Variants in ANTXR2 observed in about 807,000 individuals in gnomAD.
ANTXR2 encodes anthrax toxin receptor 2.
ANTXR2 carries 44 observed loss-of-function variants against 73.7 expected under a neutral mutation model. That is an observed-to-expected ratio of 0.60 (90% confidence interval 0.47 to 0.77). The LOEUF is 0.77. Among genes scored for constraint, ANTXR2 ranks in the 30% least tolerant of loss-of-function variants. The probability of loss-of-function intolerance (pLI) is 0.00; values close to 1 mark genes in which losing one functional copy is unlikely to be tolerated. For missense variants in ANTXR2, 604 were observed against 592.5 expected (o/e 1.02, Z -0.20); for synonymous variants, 217 against 205.9 (o/e 1.05, Z -0.46).
intron 16 of ANTXR2, among the ~76,000 whole-genome samples, 178 bp from the exon 17 acceptor site, chr4:79,907,645 C>A (rs1469501865): frequency 6.6e-6 from 1 of 151,968 alleles, no homozygotes; most frequent in Non-Finnish European, 1.5e-5. Flanking sequence ...TCATTCAGAT[C>A]TTTTCCACAG....
chr4:79,944,655 A>G (rs1728448188), intron 16 of ANTXR2, among the ~76,000 whole-genome samples: 1 of 152,176 alleles, frequency 6.6e-6, no homozygotes, highest in Admixed American at 6.6e-5. Context: ...TCTAAGCTGT[A>G]GCCCATATGG....
At chr4:80,013,993 G>A (rs116209733) in intron 11 of ANTXR2, among the ~76,000 whole-genome samples, 274 of 152,202 alleles carry the variant, frequency 1.8e-3, no homozygotes, top group African/African-American at 6.2e-3. Context: ...GGAGATCACC[G>A]GTGACCCCTC....
intron 16 of ANTXR2, among the ~76,000 whole-genome samples, chr4:79,911,296 C>G (rs1727122304): frequency 6.6e-6 from 1 of 152,112 alleles, no homozygotes; most frequent in South Asian, 2.1e-4. Context: ...CTTGAACATA[C>G]AACTCATCAA....
At chr4:80,009,429 C>T (rs767845999) in intron 11 of ANTXR2, among the ~76,000 whole-genome samples, 1 of 152,108 alleles carries the variant, frequency 6.6e-6, no homozygotes, top group African/African-American at 2.4e-5. Flanking sequence ...CACGATGCAA[C>T]GAATTATGAA....
intron 7 of ANTXR2, 32 bp from the exon 8 acceptor site, chr4:80,036,064 C>A: frequency 7.0e-7 from 1 of 1,437,724 alleles, no homozygotes; most frequent in African/African-American, 1.5e-5. Context: ...GATTACCAAG[C>A]TATAGATCTA....
intron 2 of ANTXR2, among the ~76,000 whole-genome samples, chr4:80,070,104 G>C (rs1414902088): frequency 6.6e-6 from 1 of 152,132 alleles, no homozygotes; most frequent in Non-Finnish European, 1.5e-5. Flanking sequence ...CAAGTTTTAG[G>C]CATGTCTCTC....
chr4:80,040,728 A>G (rs1267438440), intron 7 of ANTXR2, among the ~76,000 whole-genome samples: 2 of 139,890 alleles, frequency 1.4e-5, no homozygotes, highest in African/African-American at 2.7e-5. Context: ...ATTTTGGGGG[A>G]TATATACGCA....
At chr4:79,924,924 C>T (rs1319076401) in intron 16 of ANTXR2, among the ~76,000 whole-genome samples, 1 of 152,082 alleles carries the variant, frequency 6.6e-6, no homozygotes, top group Non-Finnish European at 1.5e-5. Context: ...ACCTAACATC[C>T]TATCATTACA....
At chr4:79,926,850 G>T (rs7688068) in intron 16 of ANTXR2, among the ~76,000 whole-genome samples, 1 of 150,456 alleles carries the variant, frequency 6.6e-6, no homozygotes, top group Non-Finnish European at 1.5e-5. Flanking sequence ...CAGATAAATG[G>T]ATAAAGAAAT....
intron 16 of ANTXR2, among the ~76,000 whole-genome samples, chr4:79,958,003 C>T (rs1420797449): frequency 6.6e-6 from 1 of 152,068 alleles, no homozygotes; most frequent in Non-Finnish European, 1.5e-5. Flanking sequence ...AATGACACTT[C>T]ATTTTCCTAT....
chr4:80,017,696 G>T (rs950347076), intron 11 of ANTXR2, among the ~76,000 whole-genome samples: 1 of 152,144 alleles, frequency 6.6e-6, no homozygotes, highest in African/African-American at 2.4e-5. Context: ...GGATGAGGAA[G>T]GAATGCCATT....
intron 3 of ANTXR2, among the ~76,000 whole-genome samples, chr4:80,067,440 A>G (rs1033341266): frequency 3.9e-5 from 6 of 152,226 alleles, no homozygotes; most frequent in African/African-American, 1.4e-4. Flanking sequence ...CAATGTTTGC[A>G]GCTATCAATG....
At position 79,907,224 on chromosome 4, in the gene ANTXR2, C is replaced by T. The variant is rs1172496959; in HGVS notation, c.*205G>A. The T allele has an allele frequency of 3.3e-6, 2 of 604,594 alleles. No individual in the cohort carries two copies. The highest frequency in any genetic ancestry group is 5.8e-6 in the Non-Finnish European group (2 of 345,934). The allele number at this position is 604,594 out of a possible 1,614,324, so 37.5% of individuals were successfully genotyped here. On this transcript the variant is annotated 3_prime_UTR_variant, in exon 17 of 17. Coordinates refer to ENST00000403729, the MANE Select transcript of ANTXR2 (RefSeq NM_058172.6). The stretch of plus-strand genomic sequence containing the variant: ...ATCATGAGTTACCACTGAGTTTCAT[C>T]ACCTCCCATGTAGATGGCAGAACAA...
Position 80,035,971 on chromosome 4 carries a change from C to T in ANTXR2, c.697+1G>A, listed in dbSNP as rs779690230. On this transcript the variant is annotated splice_donor_variant, in intron 8 of 16. Coordinates refer to ENST00000403729, the MANE Select transcript of ANTXR2 (RefSeq NM_058172.6). LOFTEE classifies it high-confidence loss of function. The stretch of plus-strand genomic sequence containing the variant: ...GGTATTTTTAAATTCTAAACACTTA[C>T]CCCCCACACAGACACTTGAGGGCTG... 8.4e-6 allele frequency: 13 copies of T among 1,541,674 alleles called. No homozygotes were observed. Among genetic ancestry groups the T allele is most frequent in the African/African-American group, 1.4e-5 (1 of 71,894 alleles).
intron 12 of ANTXR2, among the ~76,000 whole-genome samples, chr4:80,007,845 G>C (rs1331486359): frequency 1.3e-5 from 2 of 152,168 alleles, no homozygotes; most frequent in Non-Finnish European, 2.9e-5. Flanking sequence ...CGTAAACCCA[G>C]TGAGACTCAT....
At position 79,907,279 on chromosome 4, in the gene ANTXR2, C is replaced by A; in HGVS notation, c.*150G>T. ...TTAGAAATGTTTGGTGCAAGCAAAG[C>A]AGAAGGCAGAGAAAACATTTCCCGA... On this transcript the variant is annotated 3_prime_UTR_variant, in exon 17 of 17. Transcript: ENST00000403729. 1 of 824,900 alleles carries A rather than the reference C, an allele frequency of 1.2e-6. No homozygotes were observed. Among genetic ancestry groups the A allele is most frequent in the Non-Finnish European group, 2.0e-6 (1 of 506,308 alleles). 51.1% of individuals were successfully genotyped at this position (824,900 alleles called of 1,614,324 possible).
chr4:79,998,653 C>A (rs745396484), intron 12 of ANTXR2, among the ~76,000 whole-genome samples: 5 of 151,926 alleles, frequency 3.3e-5, no homozygotes, highest in Admixed American at 1.3e-4. Context: ...ATGCCTCCTG[C>A]CTTTTTAACC....
chr4:79,905,221 G>C lies in ANTXR2; in HGVS notation c.*2208C>G, dbSNP rs563152250. 2.6e-5 allele frequency: 4 copies of C among 152,268 alleles called. No homozygotes were observed. The highest frequency in any genetic ancestry group is 9.6e-5 in the African/African-American group (4 of 41,550). 9.4% of individuals were successfully genotyped at this position (152,268 alleles called of 1,614,324 possible). A position where few individuals can be genotyped will look rare whatever the true frequency, so the allele number is the denominator to read the frequency against. ...AGAGAAATTTGAAGTAGTTACCAAA[G>C]AAACATAGCCTTAGCTTCTGTAGTA... On this transcript the variant is annotated 3_prime_UTR_variant, in exon 17 of 17. Coordinates refer to ENST00000403729, the MANE Select transcript of ANTXR2 (RefSeq NM_058172.6).
intron 12 of ANTXR2, among the ~76,000 whole-genome samples, chr4:80,001,317 T>A (rs1379318627): frequency 1.7e-5 from 1 of 58,162 alleles, no homozygotes; most frequent in East Asian, 5.8e-4. Flanking sequence ...CCCTCCCCCC[T>A]CCCCCCACCC....
Sources: gnomAD v4.1 joint callset for allele counts (sites outside exome capture counted in the v4.1 genomes callset) on GRCh38, gnomAD v4.1.1 for gene constraint, MANE v1.5 for transcripts, NCBI Gene and HGNC (gene_info 2026-07-23, HGNC 2026-07-21) for gene names.